PCDHGA5: variants seen among roughly 807,000 people sequenced by gnomAD.
PCDHGA5 encodes protocadherin gamma-A5.
A neutral mutation model predicts 56.7 loss-of-function variants in PCDHGA5; 36 were observed. The ratio of observed to expected loss-of-function variants is 0.64; its 90% CI spans 0.49 to 0.84. The LOEUF (loss-of-function observed/expected upper bound fraction) is 0.84. Among genes scored for constraint, PCDHGA5 ranks in the 40% least tolerant of loss-of-function variants. PCDHGA5 has a pLI of 0.00. For missense variants in PCDHGA5, 1,305 were observed against 1,201.5 expected, an observed-to-expected ratio of 1.09 and a Z score of -1.27; for synonymous variants, 563 against 520.2, an observed-to-expected ratio of 1.08 and a Z score of -1.12.
chr5:141,375,097 G>T (rs377388001), intron 1 of PCDHGA5: 1 of 1,613,904 alleles, frequency 6.2e-7, no homozygotes, highest in Non-Finnish European at 8.5e-7. Flanking sequence ...TAACTATCTT[G>T]GATGTCAATG....
chr5:141,459,510 T>G (rs1449866159), intron 1 of PCDHGA5, among the ~76,000 whole-genome samples: 1 of 152,252 alleles, frequency 6.6e-6, no homozygotes, highest in Non-Finnish European at 1.5e-5. Context: ...TGAACAATCA[T>G]GTACAAGTAT....
Position 141,489,160 on chromosome 5 carries a change from C to A in PCDHGA5, c.2422-5647C>A. 1 of 1,029,962 alleles carries A rather than the reference C, an allele frequency of 9.7e-7. No individual in the cohort carries two copies. The highest frequency in any genetic ancestry group is 1.4e-6 in the Non-Finnish European group (1 of 701,366). 63.8% of individuals were successfully genotyped at this position (1,029,962 alleles called of 1,614,324 possible). ...GGCTGGAAGGAGACATAAGAGACTT[C>A]AGCTGCTGCATTCCAAGCCCTGGGT... On this transcript the variant is annotated intron_variant, in intron 1 of 3. Coordinates refer to ENST00000518069, the MANE Select transcript of PCDHGA5 (RefSeq NM_018918.3). The surrounding 1 kb of genome is among the most constrained non-coding windows in gnomAD (Gnocchi z 4.5).
At chr5:141,435,877 G>A (rs1554127514) in intron 1 of PCDHGA5, among the ~76,000 whole-genome samples, 1 of 152,092 alleles carries the variant, frequency 6.6e-6, no homozygotes, top group Non-Finnish European at 1.5e-5. Flanking sequence ...AAAAGAGATT[G>A]GAAACCCCTT....
At position 141,365,522 on chromosome 5, in the gene PCDHGA5, G is replaced by C. The variant is rs771198048; in HGVS notation, c.1192G>C (p.Val398Leu). 5 of 1,613,888 alleles carry C rather than the reference G, an allele frequency of 3.1e-6. No homozygotes were observed. In the South Asian group the frequency reaches 5.5e-5, roughly 18 times the overall value. ...TTTGCCTTTTAAATTGGAGAAGTCAGTTGATAATTACTATCACCTATTAAC... is the reference window on the plus strand; with the variant it reads ...TTTGCCTTTTAAATTGGAGAAGTCACTTGATAATTACTATCACCTATTAAC... ...RNLPFKLEKS[V>L]DNYYHLLTTR... Residue 398 changes from valine to leucine, a missense_variant, in exon 1 of 4, where the codon GTT (valine) becomes CTT (leucine). Val to Leu is a conservative substitution (Grantham distance 32, BLOSUM62 1). Transcript: ENST00000518069.
chr5:141,430,380 T>TG (rs1376875091), intron 1 of PCDHGA5, among the ~76,000 whole-genome samples: 2 of 147,890 alleles, frequency 1.4e-5, no homozygotes, highest in African/African-American at 5.0e-5. Context: ...AAAAGCTCAT[T>TG]GGGAAAAAAA....
chr5:141,495,199 G>A (rs1205495643), intron 2 of PCDHGA5, among the ~76,000 whole-genome samples: 1 of 152,164 alleles, frequency 6.6e-6, no homozygotes, highest in African/African-American at 2.4e-5. Context: ...CCCATGTACT[G>A]CCTAACCCCC....
intron 1 of PCDHGA5, chr5:141,393,251 G>A: frequency 6.2e-7 from 1 of 1,613,814 alleles, no homozygotes; most frequent in Non-Finnish European, 8.5e-7. Context: ...ACGAAATCGC[G>A]GTTCCTGGAG....
In PCDHGA5 at chr5:141,366,335, C is replaced by T; in HGVS notation, c.2005C>T (p.Pro669Ser). Residue 669 changes from proline to serine, a missense_variant, in exon 1 of 4, where the codon CCT becomes TCT. Physicochemically the swap from Pro to Ser is moderately conservative, Grantham distance 74. Coordinates refer to ENST00000518069, the MANE Select transcript of PCDHGA5 (RefSeq NM_018918.3). Reference sequence around the variant, plus strand: ...CACCGTTGCCGTGGCCGACAGGATCCCTGACATCCTGGCTGACCTAGGCAG... The same window carrying T: ...CACCGTTGCCGTGGCCGACAGGATCTCTGACATCCTGGCTGACCTAGGCAG... ...TVTVAVADRI[P>S]DILADLGSIK... 2 of 1,613,882 alleles carry T rather than the reference C, an allele frequency of 1.2e-6. No homozygotes were observed. The highest frequency in any genetic ancestry group is 1.7e-6 in the Non-Finnish European group (2 of 1,180,016).
At chr5:141,374,307 T>A in intron 1 of PCDHGA5, 1 of 1,613,922 alleles carries the variant, frequency 6.2e-7, no homozygotes, top group Non-Finnish European at 8.5e-7. Context: ...ATGCAGCTTT[T>A]CTCTCTGAAT....
intron 1 of PCDHGA5, chr5:141,422,371 C>T (rs866886181): frequency 6.4e-7 from 1 of 1,567,212 alleles, no homozygotes; most frequent in South Asian, 1.2e-5. Context: ...AGAAAATGGT[C>T]AAGTCTCCTG....
chr5:141,370,709 A>G lies in PCDHGA5; in HGVS notation c.2421+3958A>G, dbSNP rs759693672. On this transcript the variant is annotated intron_variant, in intron 1 of 3. Coordinates refer to ENST00000518069, the MANE Select transcript of PCDHGA5 (RefSeq NM_018918.3). ...GCAAGAAGTCGACGTGTGTTCTGGA[A>G]TTTGAAATGGTTGCTGAAAAGCCTT... 3 of 1,613,738 alleles carry G rather than the reference A, an allele frequency of 1.9e-6. No individual in the cohort carries two copies. The African/African-American group carries it at 4.0e-5, about 22-fold the overall frequency.
At position 141,508,878 on chromosome 5, in the gene PCDHGA5, C is replaced by A. The variant is rs189735747; in HGVS notation, c.2570-2069C>A. The stretch of plus-strand genomic sequence containing the variant: ...GGCTGGGAAAGGCTGAAGAGGCTGA[C>A]GGCTGGAGGGGAGGGGGCGGGGCGG... On this transcript the variant is annotated intron_variant, in intron 3 of 3. Transcript: ENST00000518069. Among the ~76,000 whole-genome samples, 561 of 152,074 alleles carry A rather than the reference C, an allele frequency of 3.7e-3. 3 individuals carry two copies. The highest frequency in any genetic ancestry group is 0.012 in the African/African-American group (508 of 41,498).
Position 141,366,103 on chromosome 5 carries a change from G to T in PCDHGA5, c.1773G>T (p.Val591=). The change falls in exon 1 of 4, where the codon GTG becomes GTT. Residue 591 remains valine (V), a synonymous_variant. Transcript: ENST00000518069. ...SAEPGYLVTK[V]VAVDKDSGQN... The stretch of plus-strand genomic sequence containing the variant: ...AACCTGGCTACCTGGTGACCAAGGT[G>T]GTAGCGGTGGACAAAGATTCAGGCC... 6.2e-7 allele frequency: 1 copy of T among 1,614,244 alleles called. No homozygotes were observed. The highest frequency in any genetic ancestry group is 8.5e-7 in the Non-Finnish European group (1 of 1,180,052).
rs1426305491 is a variant in PCDHGA5 at position 141,489,758 on chromosome 5, G to A, written c.2422-5049G>A. 1 of 1,614,084 alleles carries A rather than the reference G, an allele frequency of 6.2e-7. No homozygotes were observed. The highest frequency in any genetic ancestry group is 1.7e-5 in the Admixed American group (1 of 60,020). On this transcript the variant is annotated intron_variant, in intron 1 of 3. Coordinates refer to ENST00000518069, the MANE Select transcript of PCDHGA5 (RefSeq NM_018918.3). The surrounding 1 kb of genome is among the most constrained non-coding windows in gnomAD (Gnocchi z 4.5). ...AATACTGTGAGCTTTTACACTCTAAGCCCCAACAGCCACTTCTCTCTGAAT... is the reference window on the plus strand; with the variant it reads ...AATACTGTGAGCTTTTACACTCTAAACCCCAACAGCCACTTCTCTCTGAAT...
At position 141,491,456 on chromosome 5, in the gene PCDHGA5, C is replaced by G; in HGVS notation, c.2422-3351C>G. On this transcript the variant is annotated intron_variant, in intron 1 of 3. Transcript: ENST00000518069. The surrounding 1 kb of genome is among the most constrained non-coding windows in gnomAD (Gnocchi z 6.9). Reference sequence around the variant, plus strand: ...TGCAGGCGCCAGGACTCACCCTCCCCGGACTTCTATAAGCAGTCCAGCCCC... The same window carrying G: ...TGCAGGCGCCAGGACTCACCCTCCCGGGACTTCTATAAGCAGTCCAGCCCC... 1 of 1,614,104 alleles carries G rather than the reference C, an allele frequency of 6.2e-7. No homozygotes were observed. The highest frequency in any genetic ancestry group is 8.5e-7 in the Non-Finnish European group (1 of 1,180,010).
At chr5:141,441,962 G>A in intron 1 of PCDHGA5, 1 of 313,768 alleles carries the variant, frequency 3.2e-6, no homozygotes, top group Admixed American at 4.1e-5. Context: ...AGCAAGCCCA[G>A]GCTCTTCAGC....
At chr5:141,421,619 C>T (rs778666303) in intron 1 of PCDHGA5, 2 of 1,613,694 alleles carry the variant, frequency 1.2e-6, no homozygotes, top group South Asian at 1.1e-5. Flanking sequence ...AATGATAACG[C>T]CCCCAGCTTC....
At chr5:141,483,293 G>T (rs532959899) in intron 1 of PCDHGA5, among the ~76,000 whole-genome samples, 1 of 152,264 alleles carries the variant, frequency 6.6e-6, no homozygotes, top group Non-Finnish European at 1.5e-5. Flanking sequence ...TCAGTCATAA[G>T]TGAAGGGACT....
chr5:141,408,624 A>G, intron 1 of PCDHGA5: 1 of 1,614,016 alleles, frequency 6.2e-7, no homozygotes, highest in Non-Finnish European at 8.5e-7. Flanking sequence ...ATACATTTAG[A>G]AATTTTCGAA....
Sources: gnomAD v4.1 joint callset for allele counts (sites outside exome capture counted in the v4.1 genomes callset) on GRCh38, gnomAD v4.1.1 for gene constraint, Gnocchi (gnomAD v3.1) non-coding constraint, MANE v1.5 for transcripts, NCBI Gene and HGNC (gene_info 2026-07-23, HGNC 2026-07-21) for gene names.